ATM: variants seen among roughly 807,000 people sequenced by gnomAD.
ATM encodes ATM serine/threonine kinase.
ATM carries 308 observed loss-of-function variants against 387.0 expected under a neutral mutation model. The observed-to-expected ratio is 0.80, with a 90% confidence interval of 0.73 to 0.87. The LOEUF is 0.87. Ranked by LOEUF, ATM falls within the 40% of genes least tolerant of loss-of-function variation. The pLI, the probability that ATM is intolerant of heterozygous loss-of-function variation, is 0.00. For missense variants in ATM, 3,312 were observed against 3,560.9 expected (o/e 0.93, Z 1.78); for synonymous variants, 1,156 against 1,187.3 (o/e 0.97, Z 0.54).
chr11:108,356,540 T>TTA (rs2089944752), intron 61 of ATM, among the ~76,000 whole-genome samples: 1 of 97,800 alleles, frequency 1.0e-5, no homozygotes, highest in African/African-American at 3.6e-5. Flanking sequence ...CTGTCTGTCT[T>TTA]AAAAAAAAAA....
intron 33 of ATM, among the ~76,000 whole-genome samples, chr11:108,297,773 G>A (rs987163357): frequency 1.3e-5 from 2 of 152,168 alleles, no homozygotes; most frequent in African/African-American, 4.8e-5. Context: ...TGAGATGCTA[G>A]CTAAGTTACA....
intron 5 of ATM, among the ~76,000 whole-genome samples, chr11:108,240,700 C>A (rs2079513251): frequency 1.1e-5 from 1 of 93,104 alleles, no homozygotes; most frequent in African/African-American, 4.3e-5. Flanking sequence ...GTCTAGGGCA[C>A]TTAACCATGA....
Position 108,367,955 on chromosome 11 carries a change from G to T in ATM, c.*2447G>T. Reference sequence around the variant, plus strand: ...TTTAAGAAAGCCCTGAAATCTTCATGGGTGAAATTAGAAATTATCAACTAG... The same window carrying T: ...TTTAAGAAAGCCCTGAAATCTTCATTGGTGAAATTAGAAATTATCAACTAG... On this transcript the variant is annotated 3_prime_UTR_variant, in exon 63 of 63. Coordinates refer to ENST00000675843, the MANE Select transcript of ATM (RefSeq NM_000051.4). 1 of 204,974 alleles carries T rather than the reference G, an allele frequency of 4.9e-6. No homozygotes were observed. Among genetic ancestry groups the T allele is most frequent in the Non-Finnish European group, 1.0e-5 (1 of 99,956 alleles). The allele number at this position is 204,974 out of a possible 1,614,324, so 12.7% of individuals were successfully genotyped here.
chr11:108,265,423 T>C (rs1173013061), intron 16 of ATM, among the ~76,000 whole-genome samples: 1 of 152,204 alleles, frequency 6.6e-6, no homozygotes, highest in Non-Finnish European at 1.5e-5. Context: ...GAAAACTGGC[T>C]AGCCATATGT....
At chr11:108,310,867 T>C (rs528905898) in intron 39 of ATM, among the ~76,000 whole-genome samples, 1 of 152,216 alleles carries the variant, frequency 6.6e-6, no homozygotes, top group East Asian at 1.9e-4. Context: ...GTCATAAGAA[T>C]CTAATAAATA....
At chr11:108,262,653 T>C (rs2080971316) in intron 16 of ATM, among the ~76,000 whole-genome samples, 1 of 151,924 alleles carries the variant, frequency 6.6e-6, no homozygotes, top group African/African-American at 2.4e-5. Context: ...TAAATGTAAA[T>C]GGACTAAATG....
chr11:108,308,182 C>A, intron 38 of ATM, 198 bp downstream of exon 38: 1 of 599,088 alleles, frequency 1.7e-6, no homozygotes, highest in Non-Finnish European at 3.0e-6. Flanking sequence ...ACTCTCAATT[C>A]TAGTACCAGC....
At chr11:108,301,832 A>T (rs2083450572) in intron 35 of ATM, 43 bp downstream of exon 35, 1 of 1,601,268 alleles carries the variant, frequency 6.2e-7, no homozygotes, top group African/African-American at 1.3e-5. Flanking sequence ...CAGCATATCT[A>T]AAACAGTTCT....
intron 40 of ATM, among the ~76,000 whole-genome samples, chr11:108,315,568 TTG>T (rs2084553842): frequency 6.6e-6 from 1 of 152,154 alleles, no homozygotes; most frequent in Non-Finnish European, 1.5e-5. Context: ...TTTTTTCAAA[TTG>T]TGGCAAACCT....
rs1318760213 is a variant in ATM, at chr11:108,317,370, T to C, written c.6199-3T>C. The C allele has an allele frequency of 1.2e-6, 2 of 1,610,788 alleles. No individual in the cohort carries two copies. On this transcript the variant is annotated splice_region_variant and splice_polypyrimidine_tract_variant and intron_variant, in intron 42 of 62. Transcript: ENST00000675843. ...ACTTAAAAACAAAATAACTCCTGTT[T>C]AGGCCTTGCAGAATTTGGGACTCTG...
At chr11:108,258,041 T>G (rs746878946) in intron 15 of ATM, among the ~76,000 whole-genome samples, 1 of 151,996 alleles carries the variant, frequency 6.6e-6, no homozygotes, top group Non-Finnish European at 1.5e-5. Flanking sequence ...GGACTACAAG[T>G]GTACACCACC....
intron 55 of ATM, among the ~76,000 whole-genome samples, chr11:108,335,629 T>C (rs2086755477): frequency 6.6e-6 from 1 of 152,170 alleles, no homozygotes; most frequent in Non-Finnish European, 1.5e-5. Flanking sequence ...TTAATCTAAT[T>C]ACAGAAGTAG....
intron 5 of ATM, chr11:108,236,089 C>T: frequency 2.1e-6 from 1 of 482,936 alleles, no homozygotes; most frequent in Non-Finnish European, 3.8e-6. Flanking sequence ...TCTCCATCGT[C>T]AAGGAGTTGA....
At position 108,301,648 on chromosome 11, in the gene ATM, T is replaced by G. The variant is rs1446243372; in HGVS notation, c.5178T>G (p.Cys1726Trp). Residue 1726 changes from cysteine to tryptophan, a missense_variant and splice_region_variant, in exon 35 of 63, where the codon TGT becomes TGG. Physicochemically the swap from Cys to Trp is radical, Grantham distance 215 (BLOSUM62 -2). Transcript: ENST00000675843. ...TAGGCATTTGAATTGTTTTTTTCAG[T>G]GTCAAAGTTCGATCAGCAGCTGTTA... Reference protein sequence around the residue: ...TYLNNTLVEDCVKVRSAAVTC... With the variant: ...TYLNNTLVEDWVKVRSAAVTC... 1 of 1,613,488 alleles carries G rather than the reference T, an allele frequency of 6.2e-7. No homozygotes were observed. The highest frequency in any genetic ancestry group is 1.7e-5 in the Admixed American group (1 of 59,982).
At chr11:108,324,546 G>A (rs2085469586) in intron 45 of ATM, among the ~76,000 whole-genome samples, 1 of 152,048 alleles carries the variant, frequency 6.6e-6, no homozygotes, top group South Asian at 2.1e-4. Context: ...TTTGAGACCT[G>A]CTGTGGTAGG....
At chr11:108,285,873 A>C (rs186631963) in intron 26 of ATM, among the ~76,000 whole-genome samples, 11 of 152,280 alleles carry the variant, frequency 7.2e-5, no homozygotes, top group South Asian at 4.1e-4. Context: ...TAATCTTACT[A>C]TTCTTTTCTT....
chr11:108,284,316 G>A lies in ATM; in HGVS notation c.3836G>A (p.Trp1279Ter), dbSNP rs587779836. 2 of 1,613,908 alleles carry A rather than the reference G, an allele frequency of 1.2e-6. No individual in the cohort carries two copies. Among genetic ancestry groups the A allele is most frequent in the Non-Finnish European group, 1.7e-6 (2 of 1,179,878 alleles). ...ATTGCTAATCAGATTCAAGAGGACT[G>A]GAAAAGTCTTCTAACAGACTGCTTT... ...KSIANQIQEDWKSLLTDCFPK... is the reference protein window; with the variant it reads ...KSIANQIQED Residue 1279 changes from tryptophan (W) to a stop codon, truncating the protein, a stop_gained, in exon 26 of 63, where the codon TGG becomes TAG. Transcript: ENST00000675843. LOFTEE classifies it high-confidence loss of function.
chr11:108,302,778 A>G, intron 35 of ATM, 75 bp from the exon 36 acceptor site: 5 of 1,347,820 alleles, frequency 3.7e-6, no homozygotes, highest in South Asian at 1.2e-5. Flanking sequence ...AAGATTTGTT[A>G]TACTCATTTT....
chr11:108,289,390 AAATT>A (rs1338061234), intron 28 of ATM, among the ~76,000 whole-genome samples: 3 of 152,170 alleles, frequency 2.0e-5, no homozygotes, highest in Non-Finnish European at 2.9e-5. Flanking sequence ...TACTTTCTGA[AAATT>A]AAATAAATTG....
Sources: allele counts gnomAD v4.1 joint callset (sites outside exome capture counted in the v4.1 genomes callset), GRCh38; gene constraint gnomAD v4.1.1; transcripts MANE v1.5; gene names NCBI Gene and HGNC (gene_info 2026-07-23, HGNC 2026-07-21).